The following ZNF91 variants were observed in gnomAD, a reference collection of about 807,000 sequenced individuals.
ZNF91 encodes the protein zinc finger protein 91 (HPF7, HTF10).
ZNF91 carries 7 observed loss-of-function variants against 12.6 expected under a neutral mutation model. The observed-to-expected ratio is 0.55, with a 90% CI of 0.31 to 1.04. The LOEUF is 1.04. Ranked by LOEUF, ZNF91 falls within the 50% of genes least tolerant of loss-of-function variation. ZNF91 has a pLI of 0.05. For synonymous variants in ZNF91, 453 were observed against 462.6 expected (o/e 0.98, Z 0.27); for missense variants, 1,217 against 1,385.4 (o/e 0.88, Z 1.93).
upstream of ZNF91, among the ~76,000 whole-genome samples, chr19:23,311,274 A>C (rs1458941101): frequency 6.6e-6 from 1 of 152,136 alleles, no homozygotes; most frequent in African/African-American, 2.4e-5. Flanking sequence ...TGTGCGCTGC[A>C]TCCAGGTGAT....
chr19:23,383,745 T>C (rs1177976837), intron 1 of ZNF91, among the ~76,000 whole-genome samples: 4 of 151,304 alleles, frequency 2.6e-5, no homozygotes, highest in Non-Finnish European at 5.9e-5. Flanking sequence ...AGGCAAAAGA[T>C]GCCTTCTCTT....
At position 23,368,550 on chromosome 19, in the gene ZNF91, C is replaced by CTA. The variant is rs1203874295; in HGVS notation, c.253+5191_253+5192insTA. Reference sequence around the variant, plus strand: ...TCTCTCTCTCTCTCTCTCTCTCTCTCTCTCTCTCTCTCTATATATATATGA... The same window carrying CTA: ...TCTCTCTCTCTCTCTCTCTCTCTCTCTATCTCTCTCTCTCTATATATATATGA... On this transcript the variant is annotated intron_variant, in intron 3 of 3. Coordinates refer to ENST00000300619, the MANE Select transcript of ZNF91 (RefSeq NM_003430.4). 1.4e-3 allele frequency among the ~76,000 whole-genome samples: 98 copies of CTA among 68,402 alleles called. 3 individuals are homozygous for CTA. The highest frequency in any genetic ancestry group is 4.9e-3 in the East Asian group (15 of 3,064). 44.9% of individuals were successfully genotyped at this position (68,402 alleles called of 152,430 possible).
At chr19:23,332,638 A>C (rs1967946065) in intron 1 of ZNF91, among the ~76,000 whole-genome samples, 1 of 151,888 alleles carries the variant, frequency 6.6e-6, no homozygotes, top group Non-Finnish European at 1.5e-5. Flanking sequence ...AAAAAGTATA[A>C]GTGTGCCAGG....
At chr19:23,384,672 C>A in intron 1 of ZNF91, 1 of 571,444 alleles carries the variant, frequency 1.7e-6, no homozygotes. Context: ...CAAAGAGGGC[C>A]AAGCATGACG....
rs1968540870 is a variant in ZNF91, at chr19:23,358,087, A to AT, written c.*1315dup. 6.6e-6 allele frequency: 1 copy of AT among 152,158 alleles called. No individual in the cohort carries two copies. The highest frequency in any genetic ancestry group is 2.1e-4 in the South Asian group (1 of 4,834). The allele number at this position is 152,158 out of a possible 1,614,324, so 9.4% of individuals were successfully genotyped here. On this transcript the variant is annotated 3_prime_UTR_variant, in exon 4 of 4. Transcript: ENST00000300619. ...AGTCCATTATCTTACCAAATAGTGT[A>AT]TTTTTACCATCTTTTACCTACACCC... is the stretch of plus-strand genomic sequence containing the variant.
chr19:23,380,954 T>G (rs1312983200), intron 1 of ZNF91: 1 of 152,088 alleles, frequency 6.6e-6, no homozygotes, highest in Non-Finnish European at 1.5e-5. Context: ...AGCTATACAG[T>G]TTTGGGGTGG....
intron 1 of ZNF91, among the ~76,000 whole-genome samples, chr19:23,382,944 A>C (rs754146826): frequency 6.6e-6 from 1 of 152,210 alleles, no homozygotes; most frequent in African/African-American, 2.4e-5. Context: ...TATTATTTCT[A>C]CTAAAACTAT....
At chr19:23,384,813 C>A in intron 1 of ZNF91, 4 of 689,402 alleles carry the variant, frequency 5.8e-6, no homozygotes, top group Middle Eastern at 2.6e-4. Flanking sequence ...ACTCTGTGTT[C>A]ACAGAAACAC....
downstream of ZNF91, among the ~76,000 whole-genome samples, chr19:23,356,629 A>C (rs1223766250): frequency 6.6e-6 from 1 of 152,258 alleles, no homozygotes; most frequent in Non-Finnish European, 1.5e-5. Flanking sequence ...TATATGGTGC[A>C]GTGTATACTG....
chr19:23,362,526 G>A lies in ZNF91; in HGVS notation c.453C>T (p.Ser151=), dbSNP rs1968849744. The A allele has an allele frequency of 6.2e-7, 1 of 1,602,568 alleles. No individual in the cohort carries two copies. Among genetic ancestry groups the A allele is most frequent in the Admixed American group, 1.7e-5 (1 of 57,706 alleles). Residue 151 remains serine (S), a synonymous_variant, in exon 4 of 4, where the codon AGC becomes AGT. Transcript: ENST00000300619. ...KLNQCLTTAQ[S]KVFQCGKYLK... ...AATATTTCCCACATTGAAATACTTT[G>A]CTCTGGGCAGTTGTGAGACACTGGT...
At chr19:23,384,976 G>A in intron 1 of ZNF91, 2 of 1,036,752 alleles carry the variant, frequency 1.9e-6, no homozygotes, top group South Asian at 1.3e-5. Context: ...GCCCGTCATG[G>A]AGGAAAAAGG....
chr19:23,353,122 A>T (rs114817256), downstream of ZNF91, among the ~76,000 whole-genome samples: 35 of 152,292 alleles, frequency 2.3e-4, no homozygotes, highest in Admixed American at 9.2e-4. Context: ...AACAGATATT[A>T]GAAAACATTT....
chr19:23,368,154 C>T (rs940790925), intron 3 of ZNF91, among the ~76,000 whole-genome samples: 11 of 152,030 alleles, frequency 7.2e-5, no homozygotes, highest in Admixed American at 7.2e-4. Flanking sequence ...GTGATCCACC[C>T]ACCTCAGCCT....
chr19:23,331,684 G>T (rs1383038819), intron 1 of ZNF91, among the ~76,000 whole-genome samples: 1 of 152,164 alleles, frequency 6.6e-6, no homozygotes, highest in Non-Finnish European at 1.5e-5. Context: ...TCTGAAGCTT[G>T]CTGTGCGCCT....
At position 23,361,229 on chromosome 19, in the gene ZNF91, T is replaced by G. The variant is rs772530218; in HGVS notation, c.1750A>C (p.Asn584His). Residue 584 changes from asparagine (N) to histidine (H), a missense_variant, in exon 4 of 4, where the codon AAT (asparagine) becomes CAT (histidine). Physicochemically the swap from Asn to His is moderately conservative, Grantham distance 68. Around this residue, in one of 2 missense-constraint regions of ZNF91, gnomAD observed 726 missense variants for 895.5 expected, o/e 0.81. Transcript: ENST00000300619. ...YKCEECGKAF[N>H]HSSSLSTHKI... Reference sequence around the variant, plus strand: ...TGTGTAGAAAGACTTGAGGAATGATTAAAAGCTTTGCCACATTCTTCACAT... The same window carrying G: ...TGTGTAGAAAGACTTGAGGAATGATGAAAAGCTTTGCCACATTCTTCACAT... 1.4e-5 allele frequency: 22 copies of G among 1,613,508 alleles called. No individual in the cohort carries two copies. The highest frequency in any genetic ancestry group is 4.4e-5 in the South Asian group (4 of 91,066).
intron 1 of ZNF91, among the ~76,000 whole-genome samples, chr19:23,323,649 TCTCCTC>T (rs200740126): frequency 7.5e-6 from 1 of 134,004 alleles, no homozygotes; most frequent in Non-Finnish European, 1.5e-5. Flanking sequence ...TCTCTTCTCC[TCTCCTC>T]CTCCTTTCCT....
At chr19:23,388,571 C>T (rs1969954264) in intron 1 of ZNF91, among the ~76,000 whole-genome samples, 1 of 152,056 alleles carries the variant, frequency 6.6e-6, no homozygotes, top group African/African-American at 2.4e-5. Flanking sequence ...GACCATTATT[C>T]TTGGAAAACC....
chr19:23,379,499 T>C (rs1237644244), intron 1 of ZNF91, among the ~76,000 whole-genome samples: 4 of 152,094 alleles, frequency 2.6e-5, no homozygotes, highest in South Asian at 2.1e-4. Context: ...GCTTAAGAGA[T>C]TGAAAAGAAA....
rs1205975382 is a variant in ZNF91 at position 23,360,863 on chromosome 19, T to C, written c.2116A>G (p.Ile706Val). The change falls in exon 4 of 4, where the codon ATA becomes GTA. Residue 706 changes from isoleucine (I) to valine (V), a missense_variant. Ile to Val is a conservative substitution (Grantham distance 29, BLOSUM62 3). Around this residue, in one of 2 missense-constraint regions of ZNF91, gnomAD observed 726 missense variants for 895.5 expected, o/e 0.81. Coordinates refer to ENST00000300619, the MANE Select transcript of ZNF91 (RefSeq NM_003430.4). ...TAGAGTTTCTCTCCAGCATGTATTA[T>C]TTTATGTTTAGTAAGGGTTGAGAGT... ...KRLSTLTKHK[I>V]IHAGEKLYKC... 6.2e-7 allele frequency: 1 copy of C among 1,613,778 alleles called. No homozygotes were observed. Among genetic ancestry groups the C allele is most frequent in the South Asian group, 1.1e-5 (1 of 91,070 alleles).
Sources: gnomAD v4.1 joint callset for allele counts (sites outside exome capture counted in the v4.1 genomes callset) on GRCh38, gnomAD v4.1.1 for gene constraint, gnomAD v4.1.1 regional missense constraint, MANE v1.5 for transcripts, NCBI Gene and HGNC (gene_info 2026-07-23, HGNC 2026-07-21) for gene names.